Variants in PAF1 observed in about 807,000 individuals in gnomAD.
PAF1 encodes the protein PAF1 component of Paf1/RNA polymerase II complex.
PAF1 carries 31 observed loss-of-function variants against 68.4 expected under a neutral mutation model. The ratio of observed to expected loss-of-function variants is 0.45; its 90% CI spans 0.34 to 0.61. The LOEUF (loss-of-function observed/expected upper bound fraction) is 0.61, where lower values mean the gene tolerates loss of function less well. PAF1 is among the 20% of genes least tolerant of loss of function. The pLI, the probability that PAF1 is intolerant of heterozygous loss-of-function variation, is 0.01. For missense variants in PAF1, 435 were observed against 692.9 expected (o/e 0.63, Z 4.18); for synonymous variants, 256 against 240.5 (o/e 1.06, Z -0.60).
chr19:39,386,631 C>T lies in PAF1; in HGVS notation c.1093-59G>A, dbSNP rs563268143. ...GGGTGTTCTGCTGGGTTTTTGTCCC[C>T]CTCCTCACCTACAACCACCACCCTC... On this transcript the variant is annotated intron_variant, in intron 12 of 13. Coordinates refer to ENST00000221265, the MANE Select transcript of PAF1 (RefSeq NM_019088.4). This position sits in a 1 kb window ranked among gnomAD's most constrained non-coding sequence, Gnocchi z 6.1. 2 of 1,603,568 alleles carry T rather than the reference C, an allele frequency of 1.2e-6. No homozygotes were observed. Among genetic ancestry groups the T allele is most frequent in the South Asian group, 1.1e-5 (1 of 90,854 alleles).
At chr19:39,387,743 T>C (rs746976602) in intron 11 of PAF1, among the ~76,000 whole-genome samples, 2 of 152,248 alleles carry the variant, frequency 1.3e-5, no homozygotes, top group African/African-American at 2.4e-5. Context: ...TTTTATATAT[T>C]ACTCCATACT....
chr19:39,389,653 G>A lies in PAF1; in HGVS notation c.279C>T (p.Arg93=), dbSNP rs1274035179. The stretch of plus-strand genomic sequence containing the variant: ...CTCCCCACACACCATTGGGGTCGAT[G>A]CGGTAGGTGTCAGGATTGATGAGAT... ...TIDLINPDTY[R]IDPNVLLDPA... Residue 93 remains arginine, a synonymous_variant, in exon 4 of 14, where the codon CGC becomes CGT. Coordinates refer to ENST00000221265, the MANE Select transcript of PAF1 (RefSeq NM_019088.4). The surrounding 1 kb of genome is among the most constrained non-coding windows in gnomAD (Gnocchi z 5.3). The A allele has an allele frequency of 6.2e-7, 1 of 1,614,242 alleles. No individual in the cohort carries two copies.
rs1405979492 is a variant in PAF1, at chr19:39,389,035, G to A, written c.568-20C>T. ...TGAGATCTGGTGGAACAAAAACAAG[G>A]TGAGGAGGAGCTCTGCAGCCGCACC... is the stretch of plus-strand genomic sequence containing the variant. On this transcript the variant is annotated intron_variant, in intron 7 of 13. Coordinates refer to ENST00000221265, the MANE Select transcript of PAF1 (RefSeq NM_019088.4). This position sits in a 1 kb window ranked among gnomAD's most constrained non-coding sequence, Gnocchi z 5.3. 1.2e-6 allele frequency: 2 copies of A among 1,613,668 alleles called. No homozygotes were observed. The highest frequency in any genetic ancestry group is 2.7e-5 in the African/African-American group (2 of 74,874).
intron 11 of PAF1, among the ~76,000 whole-genome samples, chr19:39,387,554 C>A (rs2078279926): frequency 6.6e-6 from 1 of 152,194 alleles, no homozygotes; most frequent in African/African-American, 2.4e-5. Context: ...TTTTACATTT[C>A]CTGCCTGGCC....
Position 39,389,104 on chromosome 19 carries a change from C to G in PAF1, c.556G>C (p.Ala186Pro). The change falls in exon 7 of 14, where the codon GCC (alanine) becomes CCC (proline). Residue 186 changes from alanine (A) to proline (P), a missense_variant. Transcript: ENST00000221265. The surrounding 1 kb of genome is among the most constrained non-coding windows in gnomAD (Gnocchi z 5.3). ...AGTCCCTCAATTACTGATTTCTGGG[C>G]ATCCTCAAAAGTCTTCTCAATGGCT... Reference protein sequence around the residue: ...ITAIEKTFEDAQKSISQHYSK... With the variant: ...ITAIEKTFEDPQKSISQHYSK... 1 of 1,613,822 alleles carries G rather than the reference C, an allele frequency of 6.2e-7. No individual in the cohort carries two copies. Among genetic ancestry groups the G allele is most frequent in the Non-Finnish European group, 8.5e-7 (1 of 1,179,702 alleles).
rs1048455689 is a variant in PAF1 at position 39,391,006 on chromosome 19, G to C, written c.-142C>G. ...CCCGCGGAAAGTGGGTTGAGATGAG[G>C]TGGGCGGGCGAGAAGAGCTCCAGCG... is the stretch of plus-strand genomic sequence containing the variant. On this transcript the variant is annotated 5_prime_UTR_variant, in exon 1 of 14. Coordinates refer to ENST00000221265, the MANE Select transcript of PAF1 (RefSeq NM_019088.4). The C allele has an allele frequency of 6.2e-6, 5 of 802,638 alleles. No individual in the cohort carries two copies. The highest frequency in any genetic ancestry group is 9.7e-6 in the Non-Finnish European group (5 of 513,266). 49.7% of individuals were successfully genotyped at this position (802,638 alleles called of 1,614,324 possible).
chr19:39,385,903 CAA>C lies in PAF1; in HGVS notation c.*86_*87del. 1.3e-6 allele frequency: 2 copies of C among 1,553,252 alleles called. No individual in the cohort carries two copies. The highest frequency in any genetic ancestry group is 1.7e-6 in the Non-Finnish European group (2 of 1,153,284). ...CAAAGGTTTGGGGGTGGGGAACAAA[CAA>C]GTGAAAGGCTCACAAACAGACCACT... is the stretch of plus-strand genomic sequence containing the variant. On this transcript the variant is annotated 3_prime_UTR_variant, in exon 14 of 14. Transcript: ENST00000221265.
In PAF1 at chr19:39,386,173, C is replaced by T. The variant is rs1356564496; in HGVS notation, c.1414G>A (p.Gly472Arg). 8 of 1,614,062 alleles carry T rather than the reference C, an allele frequency of 5.0e-6. No homozygotes were observed. The highest frequency in any genetic ancestry group is 1.7e-5 in the Admixed American group (1 of 60,004). The change falls in exon 14 of 14, where the codon GGA becomes AGA. Residue 472 changes from glycine to arginine, a missense_variant. Transcript: ENST00000221265. The surrounding 1 kb of genome is among the most constrained non-coding windows in gnomAD (Gnocchi z 6.1). ...TTGTCACTGCCACCTTGGGCCTGTC[C>T]TCTGTCCTCATCATCAGAGTCGGCA... ...DDADSDDEDR[G>R]QAQGGSDNDS...
rs1336082028 is a variant in PAF1, at chr19:39,386,321, T to C, written c.1266A>G (p.Glu422=). Residue 422 remains glutamate (E), a synonymous_variant, in exon 14 of 14, where the codon GAA becomes GAG. Transcript: ENST00000221265. This position sits in a 1 kb window ranked among gnomAD's most constrained non-coding sequence, Gnocchi z 6.1. The stretch of plus-strand genomic sequence containing the variant: ...TGTCACTGGCCTCGTCCCTGTCACC[T>C]TCCTCCCGTTCACTCTCGCTGCCCG... ...EHSGSESERE[E]GDRDEASDKS... is the part of the protein sequence containing the mutation. 4 of 1,613,992 alleles carry C rather than the reference T, an allele frequency of 2.5e-6. No individual in the cohort carries two copies. Among genetic ancestry groups the C allele is most frequent in the Non-Finnish European group, 3.4e-6 (4 of 1,180,014 alleles).
rs1473533063 is a variant in PAF1 at position 39,389,138 on chromosome 19, G to A, written c.522C>T (p.Ser174=). 2.5e-6 allele frequency: 4 copies of A among 1,614,042 alleles called. No individual in the cohort carries two copies. In the South Asian group the frequency reaches 4.4e-5, roughly 18 times the overall value. The part of the protein sequence containing the change: ...TEEEIYKDRD[S]QITAIEKTFE... ...AAGTCTTCTCAATGGCTGTGATCTG[G>A]CTATCCCTGTCTTTGTATATTTCTT... is the stretch of plus-strand genomic sequence containing the variant. The change falls in exon 7 of 14, where the codon AGC becomes AGT. Residue 174 remains serine (S), a synonymous_variant. Transcript: ENST00000221265. The surrounding 1 kb of genome is among the most constrained non-coding windows in gnomAD (Gnocchi z 5.3).
rs777041476 is a variant in PAF1, at chr19:39,388,610, C to A, written c.807G>T (p.Lys269Asn). The A allele has an allele frequency of 1.2e-6, 2 of 1,614,166 alleles. No individual in the cohort carries two copies. Among genetic ancestry groups the A allele is most frequent in the Non-Finnish European group, 1.7e-6 (2 of 1,180,018 alleles). Residue 269 changes from lysine to asparagine, a missense_variant, in exon 10 of 14, where the codon AAG becomes AAT. Around this residue, in one of 7 missense-constraint regions of PAF1, gnomAD observed 151 missense variants for 306.3 expected, o/e 0.49. Transcript: ENST00000221265. ...AYFLPVEETL[K>N]KRKRDQEEEM... ...CCTCCTCCTGGTCCCGCTTTCGTTT[C>A]TTCAACGTCTCTTCTACAGGCAGGA...
rs756728068 is a variant in PAF1 at position 39,386,301 on chromosome 19, C to T, written c.1286G>A (p.Ser429Asn). The T allele has an allele frequency of 3.7e-6, 6 of 1,614,190 alleles. No individual in the cohort carries two copies. The highest frequency in any genetic ancestry group is 1.1e-5 in the South Asian group (1 of 91,070). ...GTCCTCACCACTGCCACTCTTGTCA[C>T]TGGCCTCGTCCCTGTCACCTTCCTC... ...EREEGDRDEA[S>N]DKSGSGEDES... The change falls in exon 14 of 14, where the codon AGT becomes AAT. Residue 429 changes from serine to asparagine, a missense_variant. Around this residue, in one of 7 missense-constraint regions of PAF1, gnomAD observed 78 missense variants for 80.6 expected, o/e 0.97. Transcript: ENST00000221265. This position sits in a 1 kb window ranked among gnomAD's most constrained non-coding sequence, Gnocchi z 6.1.
rs1568375043 is a variant in PAF1, at chr19:39,389,698, T to C, written c.234A>G (p.Pro78=). ...KQHKHDLLTE[P]DLGVTIDLIN... Reference sequence around the variant, plus strand: ...TGAGATCGATGGTGACCCCCAGGTCTGGCTCAGTCAGGAGGTCATGTTTGT... The same window carrying C: ...TGAGATCGATGGTGACCCCCAGGTCCGGCTCAGTCAGGAGGTCATGTTTGT... The change falls in exon 4 of 14, where the codon CCA becomes CCG. Residue 78 remains proline (P), a synonymous_variant. Coordinates refer to ENST00000221265, the MANE Select transcript of PAF1 (RefSeq NM_019088.4). The surrounding 1 kb of genome is among the most constrained non-coding windows in gnomAD (Gnocchi z 5.3). The C allele has an allele frequency of 2.5e-6, 4 of 1,614,074 alleles. No individual in the cohort carries two copies. The highest frequency in any genetic ancestry group is 3.4e-6 in the Non-Finnish European group (4 of 1,180,010).
Position 39,387,759 on chromosome 19 carries a change from A to G in PAF1, c.986+580T>C, listed in dbSNP as rs78294321. Among the ~76,000 whole-genome samples the G allele has an allele frequency of 4.1e-3, 619 of 152,320 alleles. 2 individuals carry two copies. Among genetic ancestry groups the G allele is most frequent in the Non-Finnish European group, 6.9e-3 (472 of 68,034 alleles). The stretch of plus-strand genomic sequence containing the variant: ...TTTATATATTACTCCATACTTTGGC[A>G]ATGTTTACTTTCACATGAAGTCTGT... On this transcript the variant is annotated intron_variant, in intron 11 of 13. Transcript: ENST00000221265.
rs745823582 is a variant in PAF1 at position 39,389,234 on chromosome 19, G to C, written c.462-36C>G. ...AGAAAAAGGTCCTTAGGGGCCACTG[G>C]ACACACCTAATATCTCCACCTTCCC... is the stretch of plus-strand genomic sequence containing the variant. On this transcript the variant is annotated intron_variant, in intron 6 of 13. Transcript: ENST00000221265. This position sits in a 1 kb window ranked among gnomAD's most constrained non-coding sequence, Gnocchi z 5.3. 3 of 1,608,124 alleles carry C rather than the reference G, an allele frequency of 1.9e-6. No individual in the cohort carries two copies. The African/African-American group carries it at 4.0e-5, about 21-fold the overall frequency.
chr19:39,390,587 T>A (rs1265756966), intron 1 of PAF1, among the ~76,000 whole-genome samples: 1 of 152,164 alleles, frequency 6.6e-6, no homozygotes, highest in African/African-American at 2.4e-5. Flanking sequence ...AAGAGGGGTC[T>A]CCAAACGGTT....
Position 39,385,994 on chromosome 19 carries a change from G to C in PAF1, c.1593C>G (p.Asp531Glu). Residue 531 changes from aspartate (D) to glutamate (E), a missense_variant, in exon 14 of 14, where the codon GAC becomes GAG. Asp to Glu is a conservative substitution (Grantham distance 45). Coordinates refer to ENST00000221265, the MANE Select transcript of PAF1 (RefSeq NM_019088.4). ...SDSSEADSDSD is the reference protein window; with the variant it reads ...SDSSEADSDSE The stretch of plus-strand genomic sequence containing the variant: ...CCAGCCCTGAATGCCCTGGGACTCA[G>C]TCACTGTCACTATCAGCTTCACTGG... The C allele has an allele frequency of 6.2e-7, 1 of 1,613,456 alleles. No individual in the cohort carries two copies. Among genetic ancestry groups the C allele is most frequent in the Non-Finnish European group, 8.5e-7 (1 of 1,180,010 alleles).
At chr19:39,388,270 G>T (rs2078296840) in intron 11 of PAF1, 69 bp downstream of exon 11, 2 of 1,513,296 alleles carry the variant, frequency 1.3e-6, no homozygotes, top group Non-Finnish European at 9.2e-7. Flanking sequence ...CCTCCAAGGT[G>T]GCTCTTGCAT....
chr19:39,386,179 C>A lies in PAF1; in HGVS notation c.1408G>T (p.Asp470Tyr). The A allele has an allele frequency of 6.2e-7, 1 of 1,614,138 alleles. No homozygotes were observed. The highest frequency in any genetic ancestry group is 1.1e-5 in the South Asian group (1 of 91,084). The change falls in exon 14 of 14, where the codon GAC becomes TAC. Residue 470 changes from aspartate (D) to tyrosine (Y), a missense_variant. Asp to Tyr is a radical substitution (Grantham distance 160, BLOSUM62 -3). Transcript: ENST00000221265. The surrounding 1 kb of genome is among the most constrained non-coding windows in gnomAD (Gnocchi z 6.1). The part of the protein sequence containing the change: ...SEDDADSDDE[D>Y]RGQAQGGSDN... ...CTGCCACCTTGGGCCTGTCCTCTGT[C>A]CTCATCATCAGAGTCGGCATCGTCC...
Sources: gnomAD v4.1 joint callset for allele counts (sites outside exome capture counted in the v4.1 genomes callset) on GRCh38, gnomAD v4.1.1 for gene constraint, gnomAD v4.1.1 regional missense constraint, Gnocchi (gnomAD v3.1) non-coding constraint, MANE v1.5 for transcripts, NCBI Gene and HGNC (gene_info 2026-07-23, HGNC 2026-07-21) for gene names.